PDAP1: variants seen among roughly 807,000 people sequenced by gnomAD.
PDAP1 encodes PDGFA associated protein 1.
A neutral mutation model predicts 28.0 loss-of-function variants in PDAP1; 13 were observed. The observed-to-expected ratio is 0.46, with a 90% CI of 0.30 to 0.74. The LOEUF is 0.74. PDAP1 is among the 30% of genes least tolerant of loss of function. The pLI, the probability that PDAP1 is intolerant of heterozygous loss-of-function variation, is 0.07. For synonymous variants in PDAP1, 77 were observed against 85.1 expected, an observed-to-expected ratio of 0.91 and a Z score of 0.52; for missense variants, 150 against 230.0, an observed-to-expected ratio of 0.65 and a Z score of 2.25.
At chr7:99,400,963 C>A (rs1794854597) in intron 3 of PDAP1, among the ~76,000 whole-genome samples, 1 of 152,160 alleles carries the variant, frequency 6.6e-6, no homozygotes, top group African/African-American at 2.4e-5. Context: ...GGAATCTGCA[C>A]CTTCCACCTC....
intron 4 of PDAP1, among the ~76,000 whole-genome samples, chr7:99,399,929 G>GC (rs1396379198): frequency 5.9e-5 from 9 of 152,332 alleles, no homozygotes; most frequent in Admixed American, 2.6e-4. Context: ...CAGGCTCGCA[G>GC]CCCCCTTCCA....
At chr7:99,405,965 C>T (rs188944302) in intron 1 of PDAP1, among the ~76,000 whole-genome samples, 9 of 152,308 alleles carry the variant, frequency 5.9e-5, no homozygotes, top group African/African-American at 2.2e-4. Flanking sequence ...AAAATGTTCG[C>T]TAATATCCAG....
At chr7:99,405,359 CTT>C (rs869126629) in intron 1 of PDAP1, among the ~76,000 whole-genome samples, 23 of 136,976 alleles carry the variant, frequency 1.7e-4, no homozygotes, top group Non-Finnish European at 2.1e-4. Flanking sequence ...GCCAGGGGCA[CTT>C]TTTTTTTTTT....
chr7:99,398,170 G>C (rs1335303773), intron 4 of PDAP1, among the ~76,000 whole-genome samples, 157 bp from the exon 5 acceptor site: 1 of 152,258 alleles, frequency 6.6e-6, no homozygotes, highest in Non-Finnish European at 1.5e-5. Flanking sequence ...CTGCTTGGTG[G>C]ACGTTCACCA....
chr7:99,395,729 AGCCTACTGTGGCCTGGAAGGGTCCCT>A lies in PDAP1; in HGVS notation c.*927_*952del, dbSNP rs1409246768. On this transcript the variant is annotated 3_prime_UTR_variant, in exon 6 of 6. Transcript: ENST00000350498. ...CAGGCCAGGATCCTGGTGCTGCTTCAGCCTACTGTGGCCTGGAAGGGTCCCTGCCTGCTGAGGCCTAAGATCCTGAC... is the reference window on the plus strand; with the variant it reads ...CAGGCCAGGATCCTGGTGCTGCTTCAGCCTGCTGAGGCCTAAGATCCTGAC... 2.0e-5 allele frequency: 3 copies of A among 152,256 alleles called. No homozygotes were observed. Among genetic ancestry groups the A allele is most frequent in the Non-Finnish European group, 1.5e-5 (1 of 68,096 alleles). The allele number at this position is 152,256 out of a possible 1,614,324, so 9.4% of individuals were successfully genotyped here.
At position 99,394,840 on chromosome 7, in the gene PDAP1, T is replaced by C; in HGVS notation, c.*1842A>G. The C allele has an allele frequency of 8.1e-7, 1 of 1,239,012 alleles. No individual in the cohort carries two copies. Among genetic ancestry groups the C allele is most frequent in the Non-Finnish European group, 1.0e-6 (1 of 991,286 alleles). 76.8% of individuals were successfully genotyped at this position (1,239,012 alleles called of 1,614,324 possible). On this transcript the variant is annotated 3_prime_UTR_variant, in exon 6 of 6. Coordinates refer to ENST00000350498, the MANE Select transcript of PDAP1 (RefSeq NM_014891.7). ...TGCTTGCCTATGTGGAAGGAGAGGT[T>C]TTTTGTTATTTCCTTGGGGTCTTGC...
At position 99,395,278 on chromosome 7, in the gene PDAP1, G is replaced by C. The variant is rs1187397413; in HGVS notation, c.*1404C>G. 1 of 152,290 alleles carries C rather than the reference G, an allele frequency of 6.6e-6. No homozygotes were observed. Among genetic ancestry groups the C allele is most frequent in the Non-Finnish European group, 1.5e-5 (1 of 68,110 alleles). The allele number at this position is 152,290 out of a possible 1,614,324, so 9.4% of individuals were successfully genotyped here. On this transcript the variant is annotated 3_prime_UTR_variant, in exon 6 of 6. Coordinates refer to ENST00000350498, the MANE Select transcript of PDAP1 (RefSeq NM_014891.7). ...CGATTCTCCTGCCTCAGCCTCCCAA[G>C]TAGCTGGGATTACAGGCATACACCA... is the stretch of plus-strand genomic sequence containing the variant.
intron 4 of PDAP1, 125 bp from the exon 5 acceptor site, chr7:99,398,138 A>G (rs1794800202): frequency 9.8e-7 from 1 of 1,018,318 alleles, no homozygotes; most frequent in Non-Finnish European, 1.5e-6. Context: ...CCTGGCTGTG[A>G]GTCCCTGCCT....
rs1794762983 is a variant in PDAP1, at chr7:99,396,490, A to G, written c.*192T>C. 1.7e-6 allele frequency: 1 copy of G among 576,750 alleles called. No individual in the cohort carries two copies. The highest frequency in any genetic ancestry group is 3.1e-6 in the Non-Finnish European group (1 of 326,968). 35.7% of individuals were successfully genotyped at this position (576,750 alleles called of 1,614,324 possible). On this transcript the variant is annotated 3_prime_UTR_variant, in exon 6 of 6. Coordinates refer to ENST00000350498, the MANE Select transcript of PDAP1 (RefSeq NM_014891.7). The stretch of plus-strand genomic sequence containing the variant: ...TCTTTCTGTCTCAAAGATAGCAGCT[A>G]CCCCTCCCCCAGTCCCCCCCCCCAT...
At chr7:99,398,034 C>T (rs747491933) in intron 4 of PDAP1, 21 bp from the exon 5 acceptor site, 2 of 1,613,214 alleles carry the variant, frequency 1.2e-6, no homozygotes, top group Non-Finnish European at 1.7e-6. Flanking sequence ...AAAATGGTGT[C>T]ATGGGGACAT....
rs1008712027 is a variant in PDAP1, at chr7:99,395,751, T to G, written c.*931A>C. 1 of 152,200 alleles carries G rather than the reference T, an allele frequency of 6.6e-6. No individual in the cohort carries two copies. The highest frequency in any genetic ancestry group is 1.5e-5 in the Non-Finnish European group (1 of 68,118). 9.4% of individuals were successfully genotyped at this position (152,200 alleles called of 1,614,324 possible). A position where few individuals can be genotyped will look rare whatever the true frequency, so the allele number is the denominator to read the frequency against. On this transcript the variant is annotated 3_prime_UTR_variant, in exon 6 of 6. Coordinates refer to ENST00000350498, the MANE Select transcript of PDAP1 (RefSeq NM_014891.7). The stretch of plus-strand genomic sequence containing the variant: ...TTCAGCCTACTGTGGCCTGGAAGGG[T>G]CCCTGCCTGCTGAGGCCTAAGATCC...
Position 99,395,381 on chromosome 7 carries a change from C to T in PDAP1, c.*1301G>A, listed in dbSNP as rs1404323496. On this transcript the variant is annotated 3_prime_UTR_variant, in exon 6 of 6. Coordinates refer to ENST00000350498, the MANE Select transcript of PDAP1 (RefSeq NM_014891.7). ...GGCCAGGCTGGTCTTGAACTCCTGA[C>T]CTCAGATGATCCACCCACCTCACCT... is the stretch of plus-strand genomic sequence containing the variant. The T allele has an allele frequency of 6.6e-6, 1 of 152,168 alleles. No individual in the cohort carries two copies. The highest frequency in any genetic ancestry group is 1.5e-5 in the Non-Finnish European group (1 of 68,072). The allele number at this position is 152,168 out of a possible 1,614,324, so 9.4% of individuals were successfully genotyped here.
chr7:99,408,189 G>A (rs909938271), intron 1 of PDAP1, among the ~76,000 whole-genome samples: 3 of 152,120 alleles, frequency 2.0e-5, no homozygotes, highest in African/African-American at 7.2e-5. Context: ...AGGCGGGCCC[G>A]GCACAAGCGC....
Position 99,398,845 on chromosome 7 carries a change from C to T in PDAP1, c.336-832G>A, listed in dbSNP as rs969914169. On this transcript the variant is annotated intron_variant, in intron 4 of 5. Transcript: ENST00000350498. ...ATTCTTAGAGCAGCTCAGATGTGCACGGTGCTGCCCCCCAAGGGGACAGCC... is the reference window on the plus strand; with the variant it reads ...ATTCTTAGAGCAGCTCAGATGTGCATGGTGCTGCCCCCCAAGGGGACAGCC... 4.6e-5 allele frequency among the ~76,000 whole-genome samples: 7 copies of T among 152,230 alleles called. No individual in the cohort carries two copies. In the East Asian group the frequency reaches 1.3e-3, roughly 29 times the overall value.
intron 1 of PDAP1, among the ~76,000 whole-genome samples, chr7:99,405,334 C>T (rs1375287294): frequency 3.3e-5 from 5 of 151,678 alleles, no homozygotes; most frequent in South Asian, 2.1e-4. Context: ...GCTTTTTACA[C>T]GATGTTCTGT....
At position 99,394,779 on chromosome 7, in the gene PDAP1, TAAAAAAAAAAAA is replaced by T. The variant is rs773085531; in HGVS notation, c.*1891_*1902del. ...GTGGAGGTAATAAAATGCAACTGTGTAAAAAAAAAAAAAAAAAAAAAAGTAATTATGGACATG... is the reference window on the plus strand; with the variant it reads ...GTGGAGGTAATAAAATGCAACTGTGTAAAAAAAAAAGTAATTATGGACATG... On this transcript the variant is annotated 3_prime_UTR_variant, in exon 6 of 6. Coordinates refer to ENST00000350498, the MANE Select transcript of PDAP1 (RefSeq NM_014891.7). 4.9e-5 allele frequency: 47 copies of T among 958,258 alleles called. No individual in the cohort carries two copies. Among genetic ancestry groups the T allele is most frequent in the Non-Finnish European group, 5.8e-5 (47 of 809,332 alleles). 59.4% of individuals were successfully genotyped at this position (958,258 alleles called of 1,614,324 possible). A position where few individuals can be genotyped will look rare whatever the true frequency, so the allele number is the denominator to read the frequency against.
chr7:99,402,888 AAAAAAAAAG>A (rs1450225751), intron 3 of PDAP1, among the ~76,000 whole-genome samples: 6 of 131,500 alleles, frequency 4.6e-5, no homozygotes, highest in African/African-American at 8.2e-5. Context: ...CAAAAAAAAA[AAAAAAAAAG>A]AAAAGAAAAG....
At chr7:99,396,792 T>G in intron 5 of PDAP1, 52 bp from the exon 6 acceptor site, 2 of 1,358,142 alleles carry the variant, frequency 1.5e-6, no homozygotes, top group East Asian at 2.4e-5. Flanking sequence ...CCCCACCCCC[T>G]CCCAACACAC....
chr7:99,394,872 T>C lies in PDAP1; in HGVS notation c.*1810A>G. 1 of 1,186,338 alleles carries C rather than the reference T, an allele frequency of 8.4e-7. No homozygotes were observed. Among genetic ancestry groups the C allele is most frequent in the Non-Finnish European group, 1.1e-6 (1 of 948,486 alleles). 73.5% of individuals were successfully genotyped at this position (1,186,338 alleles called of 1,614,324 possible). ...TATTTCCTTGGGGTCTTGCTAAGTT[T>C]TCCAGGCTGCACTAGAACTCGTGGG... On this transcript the variant is annotated 3_prime_UTR_variant, in exon 6 of 6. Transcript: ENST00000350498.
Sources: gnomAD v4.1 joint callset for allele counts (sites outside exome capture counted in the v4.1 genomes callset) on GRCh38, gnomAD v4.1.1 for gene constraint, MANE v1.5 for transcripts, NCBI Gene and HGNC (gene_info 2026-07-23, HGNC 2026-07-21) for gene names.